CDK14: variants seen among roughly 807,000 people sequenced by gnomAD.
CDK14 encodes cyclin dependent kinase 14.
Under a neutral mutation model 60.7 loss-of-function variants are expected in CDK14, and 34 were observed. The observed-to-expected ratio is 0.56, with a 90% confidence interval of 0.43 to 0.75. CDK14 has a LOEUF of 0.75. CDK14 is among the 30% of genes least tolerant of loss of function. The pLI is 0.00. For synonymous variants in CDK14, 197 were observed against 203.7 expected (o/e 0.97, Z 0.28); for missense variants, 482 against 564.1 (o/e 0.85, Z 1.47).
intron 10 of CDK14, among the ~76,000 whole-genome samples, chr7:91,006,060 A>G (rs976103718): frequency 2.6e-5 from 4 of 152,358 alleles, no homozygotes; most frequent in African/African-American, 9.6e-5. Flanking sequence ...GGTGTCAGCC[A>G]TCCACGTGGG....
chr7:91,054,506 G>A (rs957890191), intron 11 of CDK14, among the ~76,000 whole-genome samples: 1 of 152,164 alleles, frequency 6.6e-6, no homozygotes, highest in Non-Finnish European at 1.5e-5. Flanking sequence ...ACATTATAAA[G>A]CTAAGGAAGT....
rs1470121677 is a variant in CDK14, at chr7:90,984,219, A to T, written c.1019A>T (p.Asp340Val). Residue 340 changes from aspartate to valine, a missense_variant, in exon 10 of 15, where the codon GAT (aspartate) becomes GTT (valine). Asp to Val is a radical substitution (Grantham distance 152, BLOSUM62 -3). Transcript: ENST00000380050. Reference protein sequence around the residue: ...AAFPGMKDIQDQLERIFLVLG... With the variant: ...AAFPGMKDIQVQLERIFLVLG... ...TTTCCAGGAATGAAAGACATTCAGGATCAACTTGAACGAATATTTCTGGTA... is the reference window on the plus strand; with the variant it reads ...TTTCCAGGAATGAAAGACATTCAGGTTCAACTTGAACGAATATTTCTGGTA... 6.2e-7 allele frequency: 1 copy of T among 1,611,870 alleles called. No homozygotes were observed. Among genetic ancestry groups the T allele is most frequent in the Non-Finnish European group, 8.5e-7 (1 of 1,177,980 alleles).
chr7:90,863,670 A>ATGTGTGTGTGTGTGTGTGTGTGTG lies in CDK14; in HGVS notation c.639+405_639+428dup, dbSNP rs111580477. Among the ~76,000 whole-genome samples the ATGTGTGTGTGTGTGTGTGTGTGTG allele has an allele frequency of 8.8e-3, 1,277 of 145,752 alleles. 5 individuals carry two copies. The highest frequency in any genetic ancestry group is 0.012 in the Non-Finnish European group (786 of 66,072). ...TTCTCAAAAGCATGCTTATTAAGAT[A>ATGTGTGTGTGTGTGTGTGTGTGTG]TGTGTGTGTGTGTGTGTGTGTGTGT... On this transcript the variant is annotated intron_variant, in intron 6 of 14. Transcript: ENST00000380050.
chr7:91,112,560 T>C lies in CDK14; in HGVS notation c.1173T>C (p.His391=), dbSNP rs774827839. The part of the protein sequence containing the change: ...QAWNKLSYVN[H]AEDLASKLLQ... Reference sequence around the variant, plus strand: ...TTTTTAGGCTCAGCTATGTGAACCATGCAGAGGACCTGGCCTCCAAGCTCC... The same window carrying C: ...TTTTTAGGCTCAGCTATGTGAACCACGCAGAGGACCTGGCCTCCAAGCTCC... Residue 391 remains histidine, a synonymous_variant, in exon 13 of 15, where the codon CAT becomes CAC. Transcript: ENST00000380050. 1.9e-6 allele frequency: 3 copies of C among 1,613,612 alleles called. No homozygotes were observed. In the East Asian group the frequency reaches 6.7e-5, roughly 36 times the overall value.
At chr7:91,122,292 A>G (rs925224395) in intron 14 of CDK14, among the ~76,000 whole-genome samples, 25 of 152,188 alleles carry the variant, frequency 1.6e-4, no homozygotes, top group Admixed American at 4.6e-4. Context: ...ATGAAAAAAA[A>G]ATGTGTCGGA....
chr7:90,632,156 C>T lies in CDK14; in HGVS notation c.123+27907C>T, dbSNP rs186759061. ...TGGATGGTGACAGTTCTCTTGTTGC[C>T]ATGTGATTTGGGGGCAGTGAAGACT... On this transcript the variant is annotated intron_variant, in intron 2 of 14. Transcript: ENST00000380050. 9.6e-4 allele frequency: 155 copies of T among 161,534 alleles called. 1 individual carries two copies. The highest frequency in any genetic ancestry group is 3.6e-3 in the African/African-American group (150 of 41,828). The allele number at this position is 161,534 out of a possible 1,614,324, so 10.0% of individuals were successfully genotyped here.
At chr7:90,927,832 C>T (rs947538909) in intron 8 of CDK14, among the ~76,000 whole-genome samples, 3 of 152,176 alleles carry the variant, frequency 2.0e-5, no homozygotes, top group Non-Finnish European at 2.9e-5. Context: ...CCATTCCCCC[C>T]GTCACTTTCA....
chr7:90,635,405 G>T (rs1469885857), intron 2 of CDK14, among the ~76,000 whole-genome samples: 2 of 152,158 alleles, frequency 1.3e-5, no homozygotes, highest in African/African-American at 4.8e-5. Context: ...TTTCCCCATT[G>T]CTTGTTTTTC....
intron 4 of CDK14, among the ~76,000 whole-genome samples, chr7:90,783,503 G>A (rs545422928): frequency 1.3e-5 from 2 of 152,138 alleles, no homozygotes; most frequent in African/African-American, 4.8e-5. Flanking sequence ...GAAAATACTT[G>A]CAAACTGTTC....
chr7:91,174,958 G>A lies in CDK14; in HGVS notation c.*29-32207G>A, dbSNP rs551673474. Among the ~76,000 whole-genome samples the A allele has an allele frequency of 3.4e-4, 49 of 145,786 alleles. 1 individual carries two copies. The highest frequency in any genetic ancestry group is 1.2e-3 in the East Asian group (6 of 5,054). On this transcript the variant is annotated intron_variant, in intron 14 of 14. Coordinates refer to ENST00000380050, the MANE Select transcript of CDK14 (RefSeq NM_001287135.2). ...TTCAGATTCAGGAAATACAGAGAAC[G>A]CCACAAAGATACTCCTTGAGAAGAG...
chr7:90,858,625 A>G (rs1790905191), intron 5 of CDK14, among the ~76,000 whole-genome samples: 1 of 152,154 alleles, frequency 6.6e-6, no homozygotes, highest in African/African-American at 2.4e-5. Context: ...GGGGCCCTTA[A>G]TTCATTTGAT....
intron 14 of CDK14, among the ~76,000 whole-genome samples, chr7:91,136,274 A>G (rs1252130053): frequency 1.3e-5 from 2 of 151,442 alleles, no homozygotes; most frequent in African/African-American, 2.4e-5. Context: ...ACCATGGTCT[A>G]CTCTCCACCG....
At chr7:90,828,083 C>T (rs920278923) in intron 5 of CDK14, among the ~76,000 whole-genome samples, 9 of 152,162 alleles carry the variant, frequency 5.9e-5, no homozygotes, top group African/African-American at 1.9e-4. Flanking sequence ...CAAATGATTA[C>T]ATATTGATTC....
intron 8 of CDK14, among the ~76,000 whole-genome samples, chr7:90,926,477 G>T (rs1793419396): frequency 6.6e-6 from 1 of 152,164 alleles, no homozygotes; most frequent in African/African-American, 2.4e-5. Context: ...TTATGGACAG[G>T]TGGAGGCTGA....
chr7:90,614,537 A>G lies in CDK14; in HGVS notation c.123+10288A>G, dbSNP rs1055931251. Among the ~76,000 whole-genome samples, 4 of 152,132 alleles carry G rather than the reference A, an allele frequency of 2.6e-5. No individual in the cohort carries two copies. The East Asian group carries it at 7.7e-4, about 29-fold the overall frequency. On this transcript the variant is annotated intron_variant, in intron 2 of 14. Coordinates refer to ENST00000380050, the MANE Select transcript of CDK14 (RefSeq NM_001287135.2). ...GTGTAAAGTTCTGGTTATTTTTCCA[A>G]CTTACTATTTATTTTTTAAGTTTTC...
intron 14 of CDK14, among the ~76,000 whole-genome samples, chr7:91,133,863 C>T (rs43005): frequency 6.6e-6 from 1 of 151,922 alleles, no homozygotes; most frequent in Admixed American, 6.6e-5. Flanking sequence ...TCAGATACTA[C>T]GCAAGCTAAG....
intron 9 of CDK14, among the ~76,000 whole-genome samples, chr7:90,958,166 C>T (rs980378612): frequency 5.3e-5 from 8 of 152,012 alleles, no homozygotes; most frequent in African/African-American, 9.7e-5. Flanking sequence ...GATCCAAAAA[C>T]GTTATGGTGA....
intron 14 of CDK14, among the ~76,000 whole-genome samples, chr7:91,147,189 C>G (rs1318439644): frequency 6.6e-6 from 1 of 151,340 alleles, no homozygotes; most frequent in African/African-American, 2.4e-5. Context: ...CACACACACA[C>G]ACACACACAC....
intron 9 of CDK14, among the ~76,000 whole-genome samples, chr7:90,971,661 A>AAAAG (rs1028797036): frequency 2.0e-5 from 3 of 151,966 alleles, no homozygotes; most frequent in African/African-American, 7.2e-5. Context: ...AGTAAAAAAA[A>AAAAG]AAAAAAAAAA....
Sources: gnomAD v4.1 joint callset for allele counts (sites outside exome capture counted in the v4.1 genomes callset) on GRCh38, gnomAD v4.1.1 for gene constraint, MANE v1.5 for transcripts, NCBI Gene and HGNC (gene_info 2026-07-23, HGNC 2026-07-21) for gene names.